INPP4B: variants seen among roughly 807,000 people sequenced by gnomAD.
The protein encoded by INPP4B is inositol polyphosphate 4-phosphatase type II.
INPP4B carries 55 observed loss-of-function variants against 122.5 expected under a neutral mutation model. The ratio of observed to expected loss-of-function variants is 0.45; its 90% CI spans 0.36 to 0.56. The LOEUF (loss-of-function observed/expected upper bound fraction) is 0.56. Among genes scored for constraint, INPP4B ranks in the 20% least tolerant of loss-of-function variants. The pLI, the probability that INPP4B is intolerant of heterozygous loss-of-function variation, is 0.00. For missense variants in INPP4B, 1,000 were observed against 1,097.7 expected (o/e 0.91, Z 1.26); for synonymous variants, 403 against 388.7 (o/e 1.04, Z -0.43).
At chr4:142,706,777 T>G (rs899888821) in intron 2 of INPP4B, among the ~76,000 whole-genome samples, 1 of 152,232 alleles carries the variant, frequency 6.6e-6, no homozygotes, top group Non-Finnish European at 1.5e-5. Context: ...CTGGGTAATA[T>G]AAGGGGCTGA....
chr4:142,415,611 T>C (rs1038990785), intron 5 of INPP4B, among the ~76,000 whole-genome samples: 2 of 152,010 alleles, frequency 1.3e-5, no homozygotes, highest in African/African-American at 2.4e-5. Context: ...CTCAGGGATC[T>C]AGAACTAGAA....
At chr4:142,408,389 T>C (rs762108060) in intron 5 of INPP4B, among the ~76,000 whole-genome samples, 72 of 151,818 alleles carry the variant, frequency 4.7e-4, no homozygotes, top group Middle Eastern at 3.4e-3. Flanking sequence ...CCCATCTCTA[T>C]TAAAAATACA....
chr4:142,201,695 A>G (rs1840692960), intron 14 of INPP4B, among the ~76,000 whole-genome samples: 1 of 152,110 alleles, frequency 6.6e-6, no homozygotes, highest in Non-Finnish European at 1.5e-5. Context: ...AGAGAAAAAA[A>G]TGTACAAGAA....
intron 11 of INPP4B, among the ~76,000 whole-genome samples, chr4:142,244,515 G>A (rs1726892624): frequency 1.3e-5 from 2 of 151,874 alleles, no homozygotes; most frequent in South Asian, 4.2e-4. Flanking sequence ...GTGTTAGCCA[G>A]GATGGTCTTG....
At chr4:142,056,417 C>T (rs1757735954) in intron 25 of INPP4B, among the ~76,000 whole-genome samples, 1 of 152,072 alleles carries the variant, frequency 6.6e-6, no homozygotes, top group Admixed American at 6.6e-5. Flanking sequence ...CAGTTGTCTC[C>T]CTTTTCTGAA....
chr4:142,451,006 T>G (rs1172771404), intron 3 of INPP4B, among the ~76,000 whole-genome samples: 2 of 150,078 alleles, frequency 1.3e-5, no homozygotes, highest in Non-Finnish European at 2.9e-5. Flanking sequence ...AACCTATCAA[T>G]GTAGCATTTA....
intron 18 of INPP4B, 111 bp downstream of exon 18, chr4:142,145,729 G>T: frequency 3.0e-6 from 3 of 1,003,198 alleles, no homozygotes; most frequent in Non-Finnish European, 4.5e-6. Flanking sequence ...CATGCTATCA[G>T]CACTCTCATC....
intron 2 of INPP4B, among the ~76,000 whole-genome samples, chr4:142,572,458 C>A (rs1733036651): frequency 6.6e-6 from 1 of 152,090 alleles, no homozygotes; most frequent in Non-Finnish European, 1.5e-5. Flanking sequence ...ACACCAAATA[C>A]AACCACAACA....
At chr4:142,656,278 T>C (rs920215687) in intron 2 of INPP4B, among the ~76,000 whole-genome samples, 9 of 152,166 alleles carry the variant, frequency 5.9e-5, no homozygotes, top group Non-Finnish European at 1.5e-5. Flanking sequence ...TGAGCCTAAA[T>C]TTTCATAGCT....
intron 2 of INPP4B, among the ~76,000 whole-genome samples, chr4:142,665,181 C>T (rs1026438403): frequency 6.6e-6 from 1 of 152,148 alleles, no homozygotes; most frequent in Non-Finnish European, 1.5e-5. Context: ...TGCCTTTTGT[C>T]TCACAAATTC....
chr4:142,226,261 C>T (rs1337025163), intron 12 of INPP4B, among the ~76,000 whole-genome samples: 3 of 152,032 alleles, frequency 2.0e-5, no homozygotes, highest in East Asian at 3.9e-4. Context: ...CACACACAGA[C>T]CTTAAATACA....
At chr4:142,659,198 G>A (rs1404509708) in intron 2 of INPP4B, among the ~76,000 whole-genome samples, 1 of 150,544 alleles carries the variant, frequency 6.6e-6, no homozygotes, top group African/African-American at 2.4e-5. Context: ...AGGAGATTGA[G>A]ACCATCATGG....
At chr4:142,107,399 T>G (rs1787709288) in intron 23 of INPP4B, among the ~76,000 whole-genome samples, 2 of 152,196 alleles carry the variant, frequency 1.3e-5, no homozygotes, top group African/African-American at 4.8e-5. Flanking sequence ...CTTCTTATCA[T>G]TGTGAATATC....
intron 14 of INPP4B, among the ~76,000 whole-genome samples, chr4:142,195,368 C>T (rs1004379147): frequency 6.6e-6 from 1 of 151,976 alleles, no homozygotes; most frequent in Non-Finnish European, 1.5e-5. Flanking sequence ...TAACATAGTG[C>T]CTATAGTTAA....
chr4:142,197,624 TTAA>T (rs1482926186), intron 14 of INPP4B, among the ~76,000 whole-genome samples: 6 of 152,136 alleles, frequency 3.9e-5, no homozygotes, highest in Non-Finnish European at 4.4e-5. Context: ...AACAACAATG[TTAA>T]TAATAATGAT....
chr4:142,240,140 T>C (rs1450129166), intron 11 of INPP4B, among the ~76,000 whole-genome samples: 1 of 150,810 alleles, frequency 6.6e-6, no homozygotes, highest in African/African-American at 2.4e-5. Flanking sequence ...GTGATCTCAG[T>C]GATCTTCCTG....
At chr4:142,637,946 ATGATGT>A (rs1749534685) in intron 2 of INPP4B, among the ~76,000 whole-genome samples, 1 of 152,308 alleles carries the variant, frequency 6.6e-6, no homozygotes, top group African/African-American at 2.4e-5. Context: ...CTCTAATGAC[ATGATGT>A]TGACCATCTT....
At chr4:142,830,648 G>T (rs1581013944) in intron 1 of INPP4B, among the ~76,000 whole-genome samples, 1 of 152,028 alleles carries the variant, frequency 6.6e-6, no homozygotes, top group Non-Finnish European at 1.5e-5. Flanking sequence ...CCCTGAGACT[G>T]CAGGAGGAAA....
chr4:142,174,142 A>G (rs1012340104), intron 15 of INPP4B, among the ~76,000 whole-genome samples: 1 of 152,076 alleles, frequency 6.6e-6, no homozygotes, highest in African/African-American at 2.4e-5. Flanking sequence ...ACAAATTAGT[A>G]TTACTATTAA....
Sources: allele counts gnomAD v4.1 joint callset (sites outside exome capture counted in the v4.1 genomes callset), GRCh38; gene constraint gnomAD v4.1.1; transcripts MANE v1.5; gene names NCBI Gene and HGNC (gene_info 2026-07-23, HGNC 2026-07-21).